DPYSL2: variants seen among roughly 807,000 people sequenced by gnomAD.
The protein encoded by DPYSL2 is dihydropyrimidinase like 2.
In DPYSL2, 13 loss-of-function variants were observed where a neutral mutation model predicts 69.9. The observed-to-expected ratio is 0.19, with a 90% confidence interval of 0.12 to 0.30. DPYSL2 has a LOEUF of 0.30. Among genes scored for constraint, DPYSL2 ranks in the 10% least tolerant of loss-of-function variants. DPYSL2 has a pLI of 1.00. For synonymous variants in DPYSL2, 326 were observed against 359.1 expected (o/e 0.91, Z 1.04); for missense variants, 587 against 918.9 (o/e 0.64, Z 4.67).
chr8:26,599,417 T>G (rs1801942245), intron 3 of DPYSL2, among the ~76,000 whole-genome samples: 1 of 152,192 alleles, frequency 6.6e-6, no homozygotes. Flanking sequence ...AGCTTGGCTC[T>G]TTCTTCTCCT....
rs1049884799 is a variant in DPYSL2 at position 26,588,067 on chromosome 8, G to T, written c.628+4084G>T. Among the ~76,000 whole-genome samples, 2 of 152,188 alleles carry T rather than the reference G, an allele frequency of 1.3e-5. No homozygotes were observed. Among genetic ancestry groups the T allele is most frequent in the African/African-American group, 4.8e-5 (2 of 41,460 alleles). On this transcript the variant is annotated intron_variant, in intron 3 of 13. Transcript: ENST00000521913. The surrounding 1 kb of genome is among the most constrained non-coding windows in gnomAD (Gnocchi z 5.4). The stretch of plus-strand genomic sequence containing the variant: ...CAAAATGGGGCAAGTTTTGACAAAG[G>T]TGGACTGTGGTGGCATCACAACAGC...
At chr8:26,515,336 G>T (rs1352524514) in intron 1 of DPYSL2, among the ~76,000 whole-genome samples, 1 of 152,208 alleles carries the variant, frequency 6.6e-6, no homozygotes, top group East Asian at 1.9e-4. Flanking sequence ...CCTATGTGGG[G>T]AACAAAGTTC....
chr8:26,618,778 CAAAAAAAAAAAAA>C (rs71216765), intron 3 of DPYSL2, among the ~76,000 whole-genome samples: 1 of 85,182 alleles, frequency 1.2e-5, no homozygotes, highest in South Asian at 4.0e-4. Context: ...CCATCTCTAC[CAAAAAAAAAAAAA>C]AAAAAAAAAT....
At chr8:26,623,328 A>T (rs1382394708) in intron 3 of DPYSL2, among the ~76,000 whole-genome samples, 1 of 152,222 alleles carries the variant, frequency 6.6e-6, no homozygotes, top group Non-Finnish European at 1.5e-5. Flanking sequence ...AGCAGGGGGA[A>T]GTCATTGGAG....
intron 1 of DPYSL2, among the ~76,000 whole-genome samples, chr8:26,545,267 A>T (rs184736126): frequency 2.6e-5 from 4 of 152,304 alleles, no homozygotes; most frequent in Non-Finnish European, 5.9e-5. Context: ...TAGGCCACAA[A>T]ATGAGTCTTA....
chr8:26,576,462 TTTAGTTA>T lies in DPYSL2; in HGVS notation c.355-5504_355-5498del, dbSNP rs869276524. ...GCGCTACGAGGGCTGGTCCAGATGT[TTTAGTTA>T]TTGTACCTGCCAGGGCAACCTCCCA... On this transcript the variant is annotated intron_variant, in intron 1 of 13. Coordinates refer to ENST00000521913, the MANE Select transcript of DPYSL2 (RefSeq NM_001197293.3). Among the ~76,000 whole-genome samples the T allele has an allele frequency of 2.0e-5, 3 of 151,990 alleles. No individual in the cohort carries two copies. In the East Asian group the frequency reaches 5.8e-4, roughly 29 times the overall value.
rs1287667567 is a variant in DPYSL2, at chr8:26,621,591, C to CTT, written c.629-2552_629-2551insTT. On this transcript the variant is annotated intron_variant, in intron 3 of 13. Transcript: ENST00000521913. This position sits in a 1 kb window ranked among gnomAD's most constrained non-coding sequence, Gnocchi z 4.9. ...GGGAGTTTACATTCTAGTCAGGGGT[C>CTT]AGAGAGTAAATGAGTGAAATGGATT... is the stretch of plus-strand genomic sequence containing the variant. Among the ~76,000 whole-genome samples the CTT allele has an allele frequency of 6.6e-6, 1 of 152,114 alleles. No homozygotes were observed. The highest frequency in any genetic ancestry group is 1.5e-5 in the Non-Finnish European group (1 of 68,034).
At chr8:26,554,978 T>C (rs910319989) in intron 1 of DPYSL2, among the ~76,000 whole-genome samples, 2 of 152,126 alleles carry the variant, frequency 1.3e-5, no homozygotes, top group African/African-American at 4.8e-5. Flanking sequence ...CAAAATCAAT[T>C]AGTACAATCA....
intron 3 of DPYSL2, among the ~76,000 whole-genome samples, chr8:26,615,749 T>G (rs1256732906): frequency 1.3e-5 from 2 of 152,158 alleles, no homozygotes. Flanking sequence ...CTGGGATGTA[T>G]GTTATTTTTA....
intron 3 of DPYSL2, among the ~76,000 whole-genome samples, chr8:26,608,311 T>G (rs1044577784): frequency 2.0e-5 from 3 of 152,200 alleles, no homozygotes; most frequent in African/African-American, 7.2e-5. Context: ...TAATAGTGAC[T>G]TTTTTTGGAT....
rs1473368070 is a variant in DPYSL2 at position 26,565,596 on chromosome 8, C to T, written c.355-16373C>T. Among the ~76,000 whole-genome samples, 1 of 152,160 alleles carries T rather than the reference C, an allele frequency of 6.6e-6. No individual in the cohort carries two copies. The highest frequency in any genetic ancestry group is 1.5e-5 in the Non-Finnish European group (1 of 68,036). ...AGGAACTGAGGGTATGTGTGTATTT[C>T]ACACAAATTTTAAATTCAAACAGGA... is the stretch of plus-strand genomic sequence containing the variant. On this transcript the variant is annotated intron_variant, in intron 1 of 13. Coordinates refer to ENST00000521913, the MANE Select transcript of DPYSL2 (RefSeq NM_001197293.3). The surrounding 1 kb of genome is among the most constrained non-coding windows in gnomAD (Gnocchi z 4.1).
chr8:26,608,127 T>C (rs1482547324), intron 3 of DPYSL2, among the ~76,000 whole-genome samples: 1 of 152,134 alleles, frequency 6.6e-6, no homozygotes, highest in African/African-American at 2.4e-5. Flanking sequence ...ATGACCATGT[T>C]CACAGTATAT....
At chr8:26,616,712 G>A (rs1193862632) in intron 3 of DPYSL2, among the ~76,000 whole-genome samples, 11 of 152,208 alleles carry the variant, frequency 7.2e-5, no homozygotes, top group Admixed American at 7.2e-4. Context: ...GGGGTCGGAG[G>A]GCTGAGTGAT....
chr8:26,581,753 G>A (rs760888835), intron 1 of DPYSL2, among the ~76,000 whole-genome samples: 3 of 151,466 alleles, frequency 2.0e-5, no homozygotes, highest in Non-Finnish European at 4.4e-5. Flanking sequence ...GAGATGGTTC[G>A]TTTATCTAGG....
rs886871108 is a variant in DPYSL2 at position 26,647,175 on chromosome 8, A to T, written c.1426-455A>T. On this transcript the variant is annotated intron_variant, in intron 10 of 13. Coordinates refer to ENST00000521913, the MANE Select transcript of DPYSL2 (RefSeq NM_001197293.3). This position sits in a 1 kb window ranked among gnomAD's most constrained non-coding sequence, Gnocchi z 5.1. ...GATAGTACAGAGAGAGGTCCCGGGT[A>T]CCCTTCACCCAGTTTCCCTCATGGT... 5.3e-5 allele frequency among the ~76,000 whole-genome samples: 8 copies of T among 152,160 alleles called. No homozygotes were observed. Among genetic ancestry groups the T allele is most frequent in the Non-Finnish European group, 7.4e-5 (5 of 68,016 alleles).
chr8:26,524,219 C>T (rs1427738439), intron 1 of DPYSL2, among the ~76,000 whole-genome samples: 1 of 152,166 alleles, frequency 6.6e-6, no homozygotes, highest in Admixed American at 6.5e-5. Flanking sequence ...TTTTGATAGA[C>T]ATCATCCTAC....
Position 26,583,828 on chromosome 8 carries a change from G to A in DPYSL2, c.473G>A (p.Gly158Glu), listed in dbSNP as rs1294402013. 1.2e-6 allele frequency: 2 copies of A among 1,613,464 alleles called. No homozygotes were observed. The highest frequency in any genetic ancestry group is 1.1e-5 in the South Asian group (1 of 90,962). The change falls in exon 3 of 14, where the codon GGA becomes GAA. Residue 158 changes from glycine to glutamate, a missense_variant. This residue lies in a region of DPYSL2 where 452 missense variants were observed against 754.3 expected (regional missense o/e 0.60). Transcript: ENST00000521913. ...ATAGGAGAAAATCTGATTGTGCCAG[G>A]AGGAGTGAAGACCATCGAGGCCCAC... is the stretch of plus-strand genomic sequence containing the variant. ...KQIGENLIVP[G>E]GVKTIEAHSR...
Position 26,597,560 on chromosome 8 carries a change from C to T in DPYSL2, c.628+13577C>T, listed in dbSNP as rs367590241. 1.5e-4 allele frequency among the ~76,000 whole-genome samples: 23 copies of T among 152,168 alleles called. No homozygotes were observed. Among genetic ancestry groups the T allele is most frequent in the African/African-American group, 3.9e-4 (16 of 41,514 alleles). The stretch of plus-strand genomic sequence containing the variant: ...CTTGATCTCAGCTCACTGCAAGCTC[C>T]GCCTCCCAGGTTCACGCCATTCTCC... On this transcript the variant is annotated intron_variant, in intron 3 of 13. Coordinates refer to ENST00000521913, the MANE Select transcript of DPYSL2 (RefSeq NM_001197293.3). This position sits in a 1 kb window ranked among gnomAD's most constrained non-coding sequence, Gnocchi z 5.2.
At position 26,582,612 on chromosome 8, in the gene DPYSL2, G is replaced by A. The variant is rs916020071; in HGVS notation, c.443+555G>A. Among the ~76,000 whole-genome samples the A allele has an allele frequency of 3.3e-5, 5 of 152,186 alleles. No homozygotes were observed. Among genetic ancestry groups the A allele is most frequent in the African/African-American group, 1.2e-4 (5 of 41,446 alleles). ...AAATAAGACTGCCCTTGTGTTTATT[G>A]TGTTAATGTTACAAAGGAGAAGCAA... On this transcript the variant is annotated intron_variant, in intron 2 of 13. Coordinates refer to ENST00000521913, the MANE Select transcript of DPYSL2 (RefSeq NM_001197293.3). The surrounding 1 kb of genome is among the most constrained non-coding windows in gnomAD (Gnocchi z 4.1).
Sources: allele counts gnomAD v4.1 joint callset (sites outside exome capture counted in the v4.1 genomes callset), GRCh38; gene constraint gnomAD v4.1.1; regional missense constraint gnomAD v4.1.1; non-coding constraint Gnocchi (gnomAD v3.1); transcripts MANE v1.5; gene names NCBI Gene and HGNC (gene_info 2026-07-23, HGNC 2026-07-21).